The following UBE2O variants were observed in gnomAD, a reference collection of about 807,000 sequenced individuals.
The protein encoded by UBE2O is ubiquitin conjugating enzyme E2 O, also known as (E3-independent) E2 ubiquitin-conjugating enzyme.
A neutral mutation model predicts 125.8 loss-of-function variants in UBE2O; 15 were observed. The ratio of observed to expected loss-of-function variants is 0.12; its 90% CI spans 0.08 to 0.18. UBE2O has a LOEUF of 0.18. Ranked by LOEUF, UBE2O falls within the 10% of genes least tolerant of loss-of-function variation. UBE2O has a pLI of 1.00. For synonymous variants in UBE2O, 708 were observed against 703.2 expected (o/e 1.01, Z -0.11); for missense variants, 1,280 against 1,723.6 (o/e 0.74, Z 4.56).
chr17:76,417,518 C>T lies in UBE2O; in HGVS notation c.418-11946G>A, dbSNP rs925417630. 2.0e-5 allele frequency among the ~76,000 whole-genome samples: 3 copies of T among 152,192 alleles called. No individual in the cohort carries two copies. The East Asian group carries it at 5.8e-4, about 29-fold the overall frequency. ...GAAATCTTAGAGTATTAACCACCTC[C>T]TTGTTAATATGGTCAAAATTCTCTA... On this transcript the variant is annotated intron_variant, in intron 1 of 17. Transcript: ENST00000319380.
At chr17:76,408,274 G>A (rs1005574329) in intron 1 of UBE2O, among the ~76,000 whole-genome samples, 4 of 152,156 alleles carry the variant, frequency 2.6e-5, no homozygotes, top group South Asian at 2.1e-4. Context: ...GGAGTTTTTC[G>A]CCTCATGCTA....
intron 1 of UBE2O, among the ~76,000 whole-genome samples, chr17:76,444,846 T>C (rs2073128257): frequency 6.6e-6 from 1 of 152,200 alleles, no homozygotes; most frequent in Admixed American, 6.5e-5. Flanking sequence ...AGCACATGAA[T>C]ACCGGGATGC....
chr17:76,438,642 ATT>A (rs2073035479), intron 1 of UBE2O, among the ~76,000 whole-genome samples: 1 of 152,170 alleles, frequency 6.6e-6, no homozygotes, highest in Non-Finnish European at 1.5e-5. Flanking sequence ...GGTTCGATAG[ATT>A]TCAGATTTTA....
At position 76,395,188 on chromosome 17, in the gene UBE2O, A is replaced by ATT. The variant is rs553260402; in HGVS notation, c.2946+535_2946+536dup. Among the ~76,000 whole-genome samples, 1 of 130,490 alleles carries ATT rather than the reference A, an allele frequency of 7.7e-6. No homozygotes were observed. The highest frequency in any genetic ancestry group is 2.9e-5 in the African/African-American group (1 of 34,566). 85.6% of individuals were successfully genotyped at this position (130,490 alleles called of 152,430 possible). On this transcript the variant is annotated intron_variant, in intron 15 of 17. Coordinates refer to ENST00000319380, the MANE Select transcript of UBE2O (RefSeq NM_022066.4). The surrounding 1 kb of genome is among the most constrained non-coding windows in gnomAD (Gnocchi z 5.0). The stretch of plus-strand genomic sequence containing the variant: ...ACCGCACCCGGCCTATTTCAAAGTA[A>ATT]TTTTTTTTTTTGAGACAGAATCTCG...
chr17:76,442,608 C>T (rs2073090434), intron 1 of UBE2O, among the ~76,000 whole-genome samples: 1 of 152,146 alleles, frequency 6.6e-6, no homozygotes, highest in Non-Finnish European at 1.5e-5. Context: ...TGCCATGGGG[C>T]ATGAGAGGAA....
intron 1 of UBE2O, among the ~76,000 whole-genome samples, chr17:76,407,482 G>A (rs1283765204): frequency 6.6e-6 from 1 of 152,180 alleles, no homozygotes; most frequent in Non-Finnish European, 1.5e-5. Context: ...AGCCAGAAGC[G>A]GCAGGACAGG....
chr17:76,437,956 C>A (rs1262950608), intron 1 of UBE2O, among the ~76,000 whole-genome samples: 1 of 152,178 alleles, frequency 6.6e-6, no homozygotes, highest in Non-Finnish European at 1.5e-5. Context: ...AGGTGTCTCT[C>A]GTTGCCTGGA....
intron 1 of UBE2O, among the ~76,000 whole-genome samples, chr17:76,409,395 A>G (rs970263956): frequency 8.0e-5 from 12 of 149,744 alleles, no homozygotes; most frequent in African/African-American, 2.5e-4. Context: ...AAATGAACAC[A>G]CACTACTTTT....
chr17:76,430,233 T>C (rs555652999), intron 1 of UBE2O, among the ~76,000 whole-genome samples: 10 of 152,346 alleles, frequency 6.6e-5, no homozygotes, highest in African/African-American at 1.7e-4. Flanking sequence ...TGTGGGTTTA[T>C]ACATCTAAAA....
intron 1 of UBE2O, among the ~76,000 whole-genome samples, chr17:76,427,663 G>C (rs1163622464): frequency 6.6e-6 from 1 of 152,236 alleles, no homozygotes; most frequent in Non-Finnish European, 1.5e-5. Context: ...CAGTCTGCTG[G>C]CTGGTCTGGT....
In UBE2O at chr17:76,404,995, G is replaced by A. The variant is rs571893532; in HGVS notation, c.588+211C>T. 6.6e-6 allele frequency among the ~76,000 whole-genome samples: 1 copy of A among 152,212 alleles called. No individual in the cohort carries two copies. The highest frequency in any genetic ancestry group is 1.5e-5 in the Non-Finnish European group (1 of 68,030). On this transcript the variant is annotated intron_variant, in intron 3 of 17. Coordinates refer to ENST00000319380, the MANE Select transcript of UBE2O (RefSeq NM_022066.4). The surrounding 1 kb of genome is among the most constrained non-coding windows in gnomAD (Gnocchi z 4.3). Reference sequence around the variant, plus strand: ...CACACTGGCAGCCTATGCTGGGGTTGGGGAAGGGCACGTCCTGACCTCATG... The same window carrying A: ...CACACTGGCAGCCTATGCTGGGGTTAGGGAAGGGCACGTCCTGACCTCATG...
chr17:76,436,017 C>T lies in UBE2O; in HGVS notation c.417+16708G>A, dbSNP rs558537106. Among the ~76,000 whole-genome samples the T allele has an allele frequency of 3.3e-4, 51 of 152,292 alleles. No homozygotes were observed. In the South Asian group the frequency reaches 1.0e-2, roughly 30 times the overall value. ...ATCCTAGCACTTTGGGAGGCTGAGA[C>T]GGGCGGATCACCTGAGCTCAGGAGT... On this transcript the variant is annotated intron_variant, in intron 1 of 17. Coordinates refer to ENST00000319380, the MANE Select transcript of UBE2O (RefSeq NM_022066.4).
In UBE2O at chr17:76,399,644, T is replaced by C; in HGVS notation, c.1433A>G (p.Gln478Arg). 5 of 1,614,212 alleles carry C rather than the reference T, an allele frequency of 3.1e-6. No individual in the cohort carries two copies. The highest frequency in any genetic ancestry group is 4.2e-6 in the Non-Finnish European group (5 of 1,180,046). The change falls in exon 9 of 18, where the codon CAG (glutamine) becomes CGG (arginine). Residue 478 changes from glutamine (Q) to arginine (R), a missense_variant. Physicochemically the swap from Gln to Arg is conservative, Grantham distance 43. This residue lies in a region of UBE2O where 141 missense variants were observed against 141.3 expected (regional missense o/e 1.00). Transcript: ENST00000319380. The surrounding 1 kb of genome is among the most constrained non-coding windows in gnomAD (Gnocchi z 6.9). Reference protein sequence around the residue: ...GRDDRLHSAEQDADDEAADDT... With the variant: ...GRDDRLHSAERDADDEAADDT... ...ATCAGCAGCCTCATCATCTGCGTCC[T>C]GCTCTGCCGAGTGCAGCCTGTCATC...
At chr17:76,411,684 G>C (rs1341522966) in intron 1 of UBE2O, among the ~76,000 whole-genome samples, 3 of 152,106 alleles carry the variant, frequency 2.0e-5, no homozygotes, top group Non-Finnish European at 4.4e-5. Flanking sequence ...ATCAATACCA[G>C]ATTTTTTCTT....
At chr17:76,414,408 G>A (rs2072564781) in intron 1 of UBE2O, among the ~76,000 whole-genome samples, 2 of 152,240 alleles carry the variant, frequency 1.3e-5, no homozygotes, top group Admixed American at 6.5e-5. Flanking sequence ...CCTGAAAACA[G>A]TTATACACAA....
At position 76,452,636 on chromosome 17, in the gene UBE2O, G is replaced by A. The variant is rs2073272648; in HGVS notation, c.417+89C>T. 4.9e-6 allele frequency: 6 copies of A among 1,234,492 alleles called. No individual in the cohort carries two copies. Among genetic ancestry groups the A allele is most frequent in the Non-Finnish European group, 3.1e-6 (3 of 968,840 alleles). 76.5% of individuals were successfully genotyped at this position (1,234,492 alleles called of 1,614,324 possible). A position where few individuals can be genotyped will look rare whatever the true frequency, so the allele number is the denominator to read the frequency against. On this transcript the variant is annotated intron_variant, in intron 1 of 17. Transcript: ENST00000319380. This position sits in a 1 kb window ranked among gnomAD's most constrained non-coding sequence, Gnocchi z 4.4. Reference sequence around the variant, plus strand: ...TCGGCCACTGCAGTGGCACCGCTCCGGGCAGGGCCCTGCACGCCGTCCTTC... The same window carrying A: ...TCGGCCACTGCAGTGGCACCGCTCCAGGCAGGGCCCTGCACGCCGTCCTTC...
chr17:76,390,876 C>T lies in UBE2O; in HGVS notation c.*67G>A, dbSNP rs1465478278. On this transcript the variant is annotated 3_prime_UTR_variant, in exon 18 of 18. Coordinates refer to ENST00000319380, the MANE Select transcript of UBE2O (RefSeq NM_022066.4). ...AGGGGCATGGGAAGAGGGGTGATTCCGGGGGGGAGTGAGCAGGCGGCGGCT... is the reference window on the plus strand; with the variant it reads ...AGGGGCATGGGAAGAGGGGTGATTCTGGGGGGGAGTGAGCAGGCGGCGGCT... The T allele has an allele frequency of 8.7e-6, 13 of 1,486,408 alleles. No homozygotes were observed. Among genetic ancestry groups the T allele is most frequent in the Middle Eastern group, 1.8e-4 (1 of 5,456 alleles). 92.1% of individuals were successfully genotyped at this position (1,486,408 alleles called of 1,614,324 possible). A position where few individuals can be genotyped will look rare whatever the true frequency, so the allele number is the denominator to read the frequency against.
At chr17:76,420,772 G>A (rs1260071096) in intron 1 of UBE2O, among the ~76,000 whole-genome samples, 1 of 152,168 alleles carries the variant, frequency 6.6e-6, no homozygotes, top group Non-Finnish European at 1.5e-5. Context: ...ACCAGGTGTT[G>A]GTCCTGCCAG....
In UBE2O at chr17:76,402,627, T is replaced by C; in HGVS notation, c.661A>G (p.Ile221Val). ...GKVYDLKNQI[I>V]LKLSNGARCS... is the part of the protein sequence containing the mutation. ...CTGGCGCCGTTGGATAGCTTCAGGA[T>C]GATCTGGTTCTTCAAGTCGTAGACC... is the stretch of plus-strand genomic sequence containing the variant. Residue 221 changes from isoleucine to valine, a missense_variant, in exon 4 of 18, where the codon ATC becomes GTC. Ile to Val is a conservative substitution (Grantham distance 29). This residue lies in a region of UBE2O where 206 missense variants were observed against 315.7 expected (regional missense o/e 0.65). Transcript: ENST00000319380. The surrounding 1 kb of genome is among the most constrained non-coding windows in gnomAD (Gnocchi z 5.4). The C allele has an allele frequency of 6.2e-7, 1 of 1,614,066 alleles. No individual in the cohort carries two copies. The highest frequency in any genetic ancestry group is 8.5e-7 in the Non-Finnish European group (1 of 1,179,986).
Sources: gnomAD v4.1 joint callset for allele counts (sites outside exome capture counted in the v4.1 genomes callset) on GRCh38, gnomAD v4.1.1 for gene constraint, gnomAD v4.1.1 regional missense constraint, Gnocchi (gnomAD v3.1) non-coding constraint, MANE v1.5 for transcripts, NCBI Gene and HGNC (gene_info 2026-07-23, HGNC 2026-07-21) for gene names.